CDS2: variants seen among roughly 807,000 people sequenced by gnomAD.
The protein encoded by CDS2 is phosphatidate cytidylyltransferase 2.
CDS2 carries 47 observed loss-of-function variants against 59.0 expected under a neutral mutation model. The observed-to-expected ratio is 0.80, with a 90% confidence interval of 0.63 to 1.02. The LOEUF (loss-of-function observed/expected upper bound fraction) is 1.02, where lower values mean the gene tolerates loss of function less well. Ranked by LOEUF, CDS2 falls within the 50% of genes least tolerant of loss-of-function variation. The pLI, the probability that CDS2 is intolerant of heterozygous loss-of-function variation, is 0.00. For synonymous variants in CDS2, 207 were observed against 206.4 expected (o/e 1.00, Z -0.02); for missense variants, 356 against 558.9 (o/e 0.64, Z 3.66).
At chr20:5,142,446 A>G (rs1039282449) in intron 1 of CDS2, among the ~76,000 whole-genome samples, 5 of 135,204 alleles carry the variant, frequency 3.7e-5, no homozygotes, top group East Asian at 2.0e-4. Flanking sequence ...GACTCCATCT[A>G]AAAAAAAAAA....
chr20:5,185,030 G>T, intron 8 of CDS2, 85 bp downstream of exon 8: 1 of 985,588 alleles, frequency 1.0e-6, no homozygotes, highest in Non-Finnish European at 1.6e-6. Flanking sequence ...GCAGACAGAA[G>T]AAATCTAGCT....
At chr20:5,179,121 C>CTTTTTTTT (rs34544851) in intron 5 of CDS2, among the ~76,000 whole-genome samples, 165 bp downstream of exon 5, 2 of 130,286 alleles carry the variant, frequency 1.5e-5, no homozygotes, top group African/African-American at 2.9e-5. Context: ...CAGCTGTTAC[C>CTTTTTTTT]TTTTTTTTTT....
At chr20:5,186,989 C>T (rs2123065858) in intron 10 of CDS2, 150 bp downstream of exon 10, 1 of 790,018 alleles carries the variant, frequency 1.3e-6, no homozygotes, top group Non-Finnish European at 2.0e-6. Context: ...CACGCCAGGT[C>T]AGGGTATGGG....
At chr20:5,158,122 G>A (rs1021612080) in intron 1 of CDS2, among the ~76,000 whole-genome samples, 1 of 149,348 alleles carries the variant, frequency 6.7e-6, no homozygotes. Context: ...TCTTCTTCCA[G>A]TGTGGGCCAG....
intron 1 of CDS2, among the ~76,000 whole-genome samples, chr20:5,162,194 C>G (rs180981709): frequency 6.6e-6 from 1 of 152,114 alleles, no homozygotes; most frequent in African/African-American, 2.4e-5. Flanking sequence ...TCGAACATCC[C>G]AAAATCAAAA....
chr20:5,182,765 C>G (rs545149358), intron 6 of CDS2, among the ~76,000 whole-genome samples: 3 of 152,334 alleles, frequency 2.0e-5, no homozygotes, highest in African/African-American at 7.2e-5. Context: ...CACTTATTCC[C>G]TGACTCACTA....
intron 3 of CDS2, 28 bp downstream of exon 3, chr20:5,175,307 T>C (rs537406094): frequency 6.3e-7 from 1 of 1,585,688 alleles, no homozygotes; most frequent in East Asian, 2.2e-5. Context: ...CTATTTTAGT[T>C]TTCCCTTCAG....
chr20:5,176,771 T>C, intron 4 of CDS2, 26 bp downstream of exon 4: 1 of 1,528,732 alleles, frequency 6.5e-7, no homozygotes, highest in Admixed American at 1.7e-5. Context: ...CCACAGAGGC[T>C]TTTAGAATTT....
intron 1 of CDS2, among the ~76,000 whole-genome samples, chr20:5,130,065 C>T (rs1009353551): frequency 2.6e-5 from 4 of 152,148 alleles, no homozygotes; most frequent in Non-Finnish European, 4.4e-5. Flanking sequence ...CTCCACCTCC[C>T]GTGTTCAAGC....
At chr20:5,188,978 G>A (rs1404905471) in intron 10 of CDS2, 89 bp from the exon 11 acceptor site, 3 of 1,549,646 alleles carry the variant, frequency 1.9e-6, no homozygotes, top group Non-Finnish European at 2.7e-6. Flanking sequence ...AGGCCACAAT[G>A]AGGATCAAAT....
At chr20:5,134,577 A>G (rs1445420726) in intron 1 of CDS2, among the ~76,000 whole-genome samples, 1 of 152,090 alleles carries the variant, frequency 6.6e-6, no homozygotes, top group Non-Finnish European at 1.5e-5. Flanking sequence ...CTGGAGTCCA[A>G]TGGCGTGATC....
intron 1 of CDS2, among the ~76,000 whole-genome samples, chr20:5,167,433 A>G (rs961105893): frequency 1.3e-5 from 2 of 152,166 alleles, no homozygotes; most frequent in Non-Finnish European, 2.9e-5. Context: ...TTGTTCTGAC[A>G]ATTGAACTTG....
intron 1 of CDS2, among the ~76,000 whole-genome samples, chr20:5,136,118 G>A (rs573756853): frequency 5.3e-5 from 8 of 152,254 alleles, no homozygotes; most frequent in Non-Finnish European, 1.0e-4. Context: ...GTCTGCCATT[G>A]ACACCGAACC....
At chr20:5,166,042 G>A (rs939481410) in intron 1 of CDS2, among the ~76,000 whole-genome samples, 4 of 152,166 alleles carry the variant, frequency 2.6e-5, no homozygotes, top group African/African-American at 9.7e-5. Flanking sequence ...GGTTCAGGAT[G>A]GAGAGTGACA....
intron 2 of CDS2, 79 bp downstream of exon 2, chr20:5,173,738 C>G: frequency 6.4e-7 from 1 of 1,556,484 alleles, no homozygotes; most frequent in African/African-American, 1.4e-5. Context: ...CTGCAGAGAG[C>G]CCGTGGTCTT....
chr20:5,147,886 C>G (rs1476396901), intron 1 of CDS2, among the ~76,000 whole-genome samples: 1 of 152,116 alleles, frequency 6.6e-6, no homozygotes, highest in African/African-American at 2.4e-5. Flanking sequence ...AGTCTTTCAG[C>G]TCTGTGTCCC....
intron 1 of CDS2, among the ~76,000 whole-genome samples, chr20:5,172,649 T>C (rs972466424): frequency 6.6e-6 from 1 of 152,218 alleles, no homozygotes; most frequent in African/African-American, 2.4e-5. Context: ...CTCCCAGTAC[T>C]GCTCTGAAGC....
Position 5,176,675 on chromosome 20 carries a change from C to T in CDS2, c.319C>T (p.His107Tyr). 6.2e-7 allele frequency: 1 copy of T among 1,613,732 alleles called. No homozygotes were observed. The highest frequency in any genetic ancestry group is 8.5e-7 in the Non-Finnish European group (1 of 1,179,664). ...GATGTGCGTTCAGATTAAGTGTTTC[C>T]ATGAGATAATCACTATTGGCTACAA... ...IVMCVQIKCFHEIITIGYNVY... is the reference protein window; with the variant it reads ...IVMCVQIKCFYEIITIGYNVY... The change falls in exon 4 of 13, where the codon CAT becomes TAT. Residue 107 changes from histidine to tyrosine, a missense_variant. This residue lies in a region of CDS2 where 87 missense variants were observed against 193.3 expected (regional missense o/e 0.45). Transcript: ENST00000460006.
At chr20:5,154,257 G>T (rs2090815491) in intron 1 of CDS2, among the ~76,000 whole-genome samples, 1 of 152,178 alleles carries the variant, frequency 6.6e-6, no homozygotes, top group Admixed American at 6.5e-5. Flanking sequence ...GAGCCTGGAG[G>T]CTCTCTTGGG....
Sources: gnomAD v4.1 joint callset for allele counts (sites outside exome capture counted in the v4.1 genomes callset) on GRCh38, gnomAD v4.1.1 for gene constraint, gnomAD v4.1.1 regional missense constraint, MANE v1.5 for transcripts, NCBI Gene and HGNC (gene_info 2026-07-23, HGNC 2026-07-21) for gene names.